Variants in MRE11 observed in about 807,000 individuals in gnomAD.
The protein encoded by MRE11 is double-strand break repair protein MRE11.
In MRE11, 62 loss-of-function variants were observed where a neutral mutation model predicts 91.7. The observed-to-expected ratio is 0.68, with a 90% CI of 0.55 to 0.84. MRE11 has a LOEUF of 0.84. Among genes scored for constraint, MRE11 ranks in the 40% least tolerant of loss-of-function variants. The probability of loss-of-function intolerance (pLI) is 0.00; values close to 1 mark genes in which losing one functional copy is unlikely to be tolerated. For synonymous variants in MRE11, 273 were observed against 271.4 expected (o/e 1.01, Z -0.06); for missense variants, 796 against 852.9 (o/e 0.93, Z 0.83).
At chr11:94,445,981 CT>C in intron 15 of MRE11, 88 bp from the exon 16 acceptor site, 2 of 969,444 alleles carry the variant, frequency 2.1e-6, no homozygotes, top group Non-Finnish European at 3.3e-6. Flanking sequence ...GCTAAATAAA[CT>C]TATGTCAAAT....
upstream of MRE11, chr11:94,498,471 G>A: frequency 1.2e-6 from 2 of 1,613,898 alleles, no homozygotes; most frequent in South Asian, 2.2e-5. Flanking sequence ...AGGAGGACAA[G>A]TATCTATCAC....
In MRE11 at chr11:94,476,367, A is replaced by C; in HGVS notation, c.581T>G (p.Val194Gly). The change falls in exon 7 of 20, where the codon GTC (valine) becomes GGC (glycine). Residue 194 changes from valine (V) to glycine (G), a missense_variant. Coordinates refer to ENST00000323929, the MANE Select transcript of MRE11 (RefSeq NM_005591.4). ...IPDERLYRMF[V>G]NKKVTMLRPK... is the part of the protein sequence containing the mutation. ...TCTCAACATTGTTACTTTTTTATTG[A>C]CAAACATTCGATAGAGCCTTTCATC... 1.2e-6 allele frequency: 2 copies of C among 1,612,876 alleles called. No individual in the cohort carries two copies. Among genetic ancestry groups the C allele is most frequent in the Non-Finnish European group, 1.7e-6 (2 of 1,179,102 alleles).
intron 13 of MRE11, among the ~76,000 whole-genome samples, chr11:94,456,932 A>C (rs917672479): frequency 1.3e-5 from 2 of 152,174 alleles, no homozygotes; most frequent in Non-Finnish European, 2.9e-5. Flanking sequence ...TTTATTTAAT[A>C]ATCTACTCAG....
At chr11:94,491,845 C>A (rs1947290983) in intron 2 of MRE11, among the ~76,000 whole-genome samples, 1 of 152,144 alleles carries the variant, frequency 6.6e-6, no homozygotes, top group African/African-American at 2.4e-5. Flanking sequence ...TCAAAAACTT[C>A]AAAAATGATA....
chr11:94,501,133 G>C, the MRE11 span, among the ~76,000 whole-genome samples: 1 of 152,116 alleles, frequency 6.6e-6, no homozygotes, highest in Non-Finnish European at 1.5e-5. Flanking sequence ...GGATATTTAA[G>C]GTCTATCTTT....
intron 2 of MRE11, among the ~76,000 whole-genome samples, chr11:94,492,079 G>A (rs1258362871): frequency 6.6e-6 from 1 of 152,124 alleles, no homozygotes; most frequent in Admixed American, 6.5e-5. Flanking sequence ...ACAGCTAGTA[G>A]GGTCCAAGGA....
At chr11:94,468,986 T>A (rs994790708) in intron 9 of MRE11, among the ~76,000 whole-genome samples, 1 of 152,134 alleles carries the variant, frequency 6.6e-6, no homozygotes, top group Non-Finnish European at 1.5e-5. Flanking sequence ...AAAAGTAAGA[T>A]ATGGGTCCTG....
In MRE11 at chr11:94,421,270, A is replaced by C. The variant is rs538753645; in HGVS notation, c.2071-1089T>G. On this transcript the variant is annotated intron_variant, in intron 19 of 19. Transcript: ENST00000323929. ...TATTTGTGTTTAAGACATTAAAAGA[A>C]ATTAAAAGAAATTATTTGATGCTAG... is the stretch of plus-strand genomic sequence containing the variant. Among the ~76,000 whole-genome samples the C allele has an allele frequency of 7.5e-5, 11 of 146,826 alleles. 1 individual carries two copies. In the South Asian group the frequency reaches 2.3e-3, roughly 30 times the overall value.
At chr11:94,470,924 T>G (rs951349210) in intron 8 of MRE11, among the ~76,000 whole-genome samples, 4 of 152,038 alleles carry the variant, frequency 2.6e-5, no homozygotes, top group Non-Finnish European at 5.9e-5. Context: ...AACAGGACTA[T>G]GATGGTAGCA....
chr11:94,494,006 A>G (rs780628585), upstream of MRE11: 2 of 152,340 alleles, frequency 1.3e-5, no homozygotes, highest in Non-Finnish European at 2.9e-5. Context: ...CGGAAGTGAG[A>G]TGCAAGGCGG....
chr11:94,504,988 T>C, the MRE11 span, among the ~76,000 whole-genome samples: 1 of 152,196 alleles, frequency 6.6e-6, no homozygotes, highest in Non-Finnish European at 1.5e-5. Context: ...TAAAATTTCC[T>C]ATCACCCAGT....
chr11:94,496,671 T>C (rs1404144464), upstream of MRE11: 1 of 1,536,726 alleles, frequency 6.5e-7, no homozygotes, highest in African/African-American at 1.4e-5. Context: ...TGAAATGCTT[T>C]TTATTTAGAA....
chr11:94,462,707 T>C (rs1591677983), intron 11 of MRE11, among the ~76,000 whole-genome samples: 1 of 152,174 alleles, frequency 6.6e-6, no homozygotes, highest in Non-Finnish European at 1.5e-5. Flanking sequence ...TAAATGGTGC[T>C]GGGAAAACTG....
chr11:94,495,781 A>G (rs1378477653), upstream of MRE11, among the ~76,000 whole-genome samples: 1 of 152,178 alleles, frequency 6.6e-6, no homozygotes, highest in Non-Finnish European at 1.5e-5. Flanking sequence ...GTTTCTAGAC[A>G]AGGTCTTGTA....
intron 14 of MRE11, among the ~76,000 whole-genome samples, chr11:94,450,135 A>G (rs1379110745): frequency 6.6e-6 from 1 of 152,228 alleles, no homozygotes; most frequent in African/African-American, 2.4e-5. Context: ...TATGAGTTCA[A>G]TGCTAATGAA....
chr11:94,425,473 T>C (rs1945287754), intron 19 of MRE11, among the ~76,000 whole-genome samples: 1 of 152,154 alleles, frequency 6.6e-6, no homozygotes, highest in Non-Finnish European at 1.5e-5. Context: ...AACAATACGA[T>C]GGCAGGATCG....
intron 14 of MRE11, among the ~76,000 whole-genome samples, chr11:94,447,736 T>C (rs1480623875): frequency 6.6e-6 from 1 of 150,906 alleles, no homozygotes; most frequent in East Asian, 1.9e-4. Flanking sequence ...CACAGGAGGC[T>C]GAGGCAGGAG....
upstream of MRE11, chr11:94,498,652 ACATTCTTC>A: frequency 1.2e-6 from 1 of 852,134 alleles, no homozygotes; most frequent in East Asian, 2.6e-5. Context: ...ATTCATTATA[ACATTCTTC>A]CAAGTGAATT....
chr11:94,454,129 A>C (rs1946188618), intron 14 of MRE11, among the ~76,000 whole-genome samples: 1 of 148,420 alleles, frequency 6.7e-6, no homozygotes, highest in African/African-American at 2.5e-5. Flanking sequence ...GTTGGAGTGC[A>C]GTGGCGTCAT....
Sources: allele counts gnomAD v4.1 joint callset (sites outside exome capture counted in the v4.1 genomes callset), GRCh38; gene constraint gnomAD v4.1.1; transcripts MANE v1.5; gene names NCBI Gene and HGNC (gene_info 2026-07-23, HGNC 2026-07-21).